CDH11: variants seen among roughly 807,000 people sequenced by gnomAD.
The protein encoded by CDH11 is cadherin 11.
CDH11 carries 11 observed loss-of-function variants against 67.8 expected under a neutral mutation model. The ratio of observed to expected loss-of-function variants is 0.16; its 90% CI spans 0.10 to 0.27. CDH11 has a LOEUF of 0.27. Among genes scored for constraint, CDH11 ranks in the 10% least tolerant of loss-of-function variants. The pLI is 1.00. For missense variants in CDH11, 847 were observed against 1,031.2 expected, an observed-to-expected ratio of 0.82 and a Z score of 2.45; for synonymous variants, 419 against 400.0, an observed-to-expected ratio of 1.05 and a Z score of -0.57.
rs1021574100 is a variant in CDH11, at chr16:64,977,879, T to C, written c.1253+4169A>G. On this transcript the variant is annotated intron_variant, in intron 8 of 12. Coordinates refer to ENST00000268603, the MANE Select transcript of CDH11 (RefSeq NM_001797.4). ...TGTATGAGGCTGAAAAGATGCTCAGTAAATGTTAATTATCTCTCTTTTCCT... is the reference window on the plus strand; with the variant it reads ...TGTATGAGGCTGAAAAGATGCTCAGCAAATGTTAATTATCTCTCTTTTCCT... Among the ~76,000 whole-genome samples, 21 of 152,358 alleles carry C rather than the reference T, an allele frequency of 1.4e-4. No individual in the cohort carries two copies. The East Asian group carries it at 4.0e-3, about 29-fold the overall frequency.
intron 1 of CDH11, among the ~76,000 whole-genome samples, chr16:65,090,725 A>G (rs1351026193): frequency 6.6e-6 from 1 of 152,250 alleles, no homozygotes; most frequent in Non-Finnish European, 1.5e-5. Flanking sequence ...GATAGTAGAA[A>G]TGAATTACAA....
chr16:65,062,365 A>AACAC (rs536853430), intron 1 of CDH11, among the ~76,000 whole-genome samples: 3 of 151,934 alleles, frequency 2.0e-5, no homozygotes, highest in African/African-American at 7.2e-5. Flanking sequence ...AAGTACTGCA[A>AACAC]ACACACACAC....
rs147440329 is a variant in CDH11, at chr16:65,060,618, T to G, written c.-297-6690A>C. On this transcript the variant is annotated intron_variant, in intron 1 of 12. Transcript: ENST00000268603. ...ACTAGGGTGAACAAAGCAACCAGCA[T>G]GCACACAATCACATATGCTCCAGAA... Among the ~76,000 whole-genome samples, 856 of 152,258 alleles carry G rather than the reference T, an allele frequency of 5.6e-3. 9 individuals carry two copies. Among genetic ancestry groups the G allele is most frequent in the South Asian group, 0.022 (106 of 4,822 alleles).
intron 1 of CDH11, among the ~76,000 whole-genome samples, chr16:65,087,038 GA>G: frequency 6.6e-6 from 1 of 152,302 alleles, no homozygotes; most frequent in South Asian, 2.1e-4. Flanking sequence ...TGAGATGAAA[GA>G]AAGCCCTAGG....
chr16:64,971,921 G>C lies in CDH11; in HGVS notation c.1524+10C>G. On this transcript the variant is annotated intron_variant, in intron 10 of 12. Coordinates refer to ENST00000268603, the MANE Select transcript of CDH11 (RefSeq NM_001797.4). ...TTGTTCCTAGCCAAGAATAGGGAAA[G>C]CAGGATTACCTGGTTGGAAAGTGGC... 1 of 1,613,548 alleles carries C rather than the reference G, an allele frequency of 6.2e-7. No individual in the cohort carries two copies. Among genetic ancestry groups the C allele is most frequent in the Non-Finnish European group, 8.5e-7 (1 of 1,179,614 alleles).
At chr16:64,964,172 C>T (rs942964304) in intron 11 of CDH11, among the ~76,000 whole-genome samples, 1 of 152,160 alleles carries the variant, frequency 6.6e-6, no homozygotes, top group Non-Finnish European at 1.5e-5. Flanking sequence ...TGCTTAGTGA[C>T]AGGGAAGCAT....
intron 1 of CDH11, chr16:65,059,749 C>A (rs1227683374): frequency 6.6e-6 from 1 of 152,210 alleles, no homozygotes. Flanking sequence ...CAAAACACGC[C>A]TTGTCCAATG....
At chr16:64,986,742 A>G (rs1349556845) in intron 7 of CDH11, 2 of 152,068 alleles carry the variant, frequency 1.3e-5, no homozygotes, top group Non-Finnish European at 2.9e-5. Context: ...GACTTTTCCA[A>G]GTATCCAAAT....
Position 64,948,038 on chromosome 16 carries a change from C to T in CDH11, c.1956G>A (p.Glu652=). 2 of 1,614,136 alleles carry T rather than the reference C, an allele frequency of 1.2e-6. No individual in the cohort carries two copies. The highest frequency in any genetic ancestry group is 1.7e-6 in the Non-Finnish European group (2 of 1,180,016). Residue 652 remains glutamate (E), a synonymous_variant, in exon 13 of 13, where the codon GAG becomes GAA. Transcript: ENST00000268603. Reference sequence around the variant, plus strand: ...TGATGTTCTCACGGACATCTTCTTCCTCAAAGACAATGAGTGGTTCTTTCT... The same window carrying T: ...TGATGTTCTCACGGACATCTTCTTCTTCAAAGACAATGAGTGGTTCTTTCT... ...RQKKEPLIVF[E]EEDVRENIIT... is the part of the protein sequence containing the mutation.
intron 1 of CDH11, among the ~76,000 whole-genome samples, chr16:65,064,700 A>G (rs893498395): frequency 3.9e-5 from 6 of 152,218 alleles, no homozygotes; most frequent in Non-Finnish European, 7.3e-5. Context: ...TTTTAATTGT[A>G]TCTGTTTTTT....
At chr16:65,118,856 G>T (rs2075283623) in intron 1 of CDH11, 1 of 152,194 alleles carries the variant, frequency 6.6e-6, no homozygotes, top group African/African-American at 2.4e-5. Flanking sequence ...AAATTCCAAT[G>T]AAATTGTTAT....
At chr16:65,014,413 ATT>A (rs1357642892) in intron 2 of CDH11, among the ~76,000 whole-genome samples, 1 of 152,222 alleles carries the variant, frequency 6.6e-6, no homozygotes, top group East Asian at 1.9e-4. Flanking sequence ...CAATATATAC[ATT>A]CTCAAGATAT....
At chr16:64,948,609 C>T (rs867291225) in intron 12 of CDH11, 9 of 1,609,458 alleles carry the variant, frequency 5.6e-6, no homozygotes, top group Non-Finnish European at 6.8e-6. Flanking sequence ...GAAGTCTTAC[C>T]GTAAGTGTGG....
At chr16:65,033,122 G>T (rs1164266568) in intron 2 of CDH11, among the ~76,000 whole-genome samples, 1 of 152,120 alleles carries the variant, frequency 6.6e-6, no homozygotes, top group Non-Finnish European at 1.5e-5. Flanking sequence ...TAATTAAACA[G>T]AGCACAGGGT....
At chr16:65,044,276 C>A (rs1016406722) in intron 2 of CDH11, among the ~76,000 whole-genome samples, 1 of 152,108 alleles carries the variant, frequency 6.6e-6, no homozygotes, top group Non-Finnish European at 1.5e-5. Flanking sequence ...AACTAATTGG[C>A]GATGTGGTAA....
At chr16:65,043,175 G>A (rs1034265685) in intron 2 of CDH11, among the ~76,000 whole-genome samples, 5 of 152,328 alleles carry the variant, frequency 3.3e-5, no homozygotes, top group African/African-American at 1.2e-4. Flanking sequence ...TTGGTACCTA[G>A]TACAGTGTTT....
At chr16:65,014,068 G>A (rs886523542) in intron 2 of CDH11, among the ~76,000 whole-genome samples, 2 of 152,168 alleles carry the variant, frequency 1.3e-5, no homozygotes, top group Non-Finnish European at 2.9e-5. Context: ...TATTCAACAA[G>A]AATGCGTAAA....
At chr16:65,112,599 T>C (rs939642236) in intron 1 of CDH11, among the ~76,000 whole-genome samples, 1 of 152,180 alleles carries the variant, frequency 6.6e-6, no homozygotes, top group Non-Finnish European at 1.5e-5. Flanking sequence ...CTTGCATTAA[T>C]GACAAAGAAA....
At chr16:65,003,937 C>G (rs1176931481) in intron 3 of CDH11, among the ~76,000 whole-genome samples, 1 of 152,252 alleles carries the variant, frequency 6.6e-6, no homozygotes, top group East Asian at 1.9e-4. Context: ...ATACAAAAAG[C>G]AAAGCTATGA....
Sources: gnomAD v4.1 joint callset for allele counts (sites outside exome capture counted in the v4.1 genomes callset) on GRCh38, gnomAD v4.1.1 for gene constraint, MANE v1.5 for transcripts, NCBI Gene and HGNC (gene_info 2026-07-23, HGNC 2026-07-21) for gene names.